MBNL3: variants seen among roughly 807,000 people sequenced by gnomAD.
MBNL3 encodes the protein muscleblind-like protein 3.
A neutral mutation model predicts 24.5 loss-of-function variants in MBNL3; 6 were observed. The ratio of observed to expected loss-of-function variants is 0.25; its 90% confidence interval spans 0.13 to 0.48. MBNL3 has a LOEUF of 0.48. Ranked by LOEUF, MBNL3 falls within the 20% of genes least tolerant of loss-of-function variation. The pLI is 0.99. For missense variants in MBNL3, 230 were observed against 293.5 expected (o/e 0.78, Z 1.58); for synonymous variants, 100 against 101.7 (o/e 0.98, Z 0.10).
At chrX:132,385,283 T>C (rs190080094) in intron 6 of MBNL3, among the ~76,000 whole-genome samples, 1 of 111,270 alleles carries the variant, frequency 9.0e-6, no homozygotes, top group Non-Finnish European at 1.9e-5. Flanking sequence ...TGGCAAAAAA[T>C]TCAAACTTGG....
chrX:132,476,290 C>T (rs1415945661), intron 1 of MBNL3, among the ~76,000 whole-genome samples: 2 of 110,604 alleles, frequency 1.8e-5, no homozygotes, highest in Non-Finnish European at 3.8e-5. Flanking sequence ...TTTTGTTTTC[C>T]TTATGTCCAA....
At chrX:132,394,145 AG>A (rs1462505551) in intron 3 of MBNL3, among the ~76,000 whole-genome samples, 3 of 111,536 alleles carry the variant, frequency 2.7e-5, no homozygotes, top group Non-Finnish European at 3.8e-5. Flanking sequence ...TTAAGTGGAA[AG>A]GGAACGCCAG....
At chrX:132,395,870 A>T (rs1344419752) in intron 3 of MBNL3, among the ~76,000 whole-genome samples, 5 of 110,620 alleles carry the variant, frequency 4.5e-5, no homozygotes, top group Non-Finnish European at 7.6e-5. Flanking sequence ...CACGACACTC[A>T]CCCCTGGTGT....
At chrX:132,449,818 T>G (rs984183412) in intron 1 of MBNL3, among the ~76,000 whole-genome samples, 6 of 111,161 alleles carry the variant, frequency 5.4e-5, no homozygotes, top group Non-Finnish European at 1.1e-4. Flanking sequence ...TTTTAGTGCT[T>G]CCTTCAGGAG....
intron 2 of MBNL3, among the ~76,000 whole-genome samples, chrX:132,436,369 T>C (rs1945117982): frequency 8.9e-6 from 1 of 112,216 alleles, no homozygotes. Context: ...TTGCCCTTCT[T>C]ATTTTCATAA....
At chrX:132,392,089 A>T in intron 4 of MBNL3, 54 bp downstream of exon 4, 2 of 1,003,847 alleles carry the variant, frequency 2.0e-6, no homozygotes, top group Non-Finnish European at 2.7e-6. Context: ...ATACTGCTTT[A>T]TGTGTAAGGT....
At chrX:132,389,966 G>A (rs1428503318) in intron 5 of MBNL3, among the ~76,000 whole-genome samples, 1 of 110,055 alleles carries the variant, frequency 9.1e-6, no homozygotes, top group Non-Finnish European at 1.9e-5. Flanking sequence ...GTTGAGGCAG[G>A]AGGATCACCT....
chrX:132,419,843 A>C (rs1297349622), intron 2 of MBNL3, among the ~76,000 whole-genome samples: 1 of 112,580 alleles, frequency 8.9e-6, no homozygotes, highest in Non-Finnish European at 1.9e-5. Context: ...TTTCAAATAC[A>C]AATTAATATG....
intron 3 of MBNL3, among the ~76,000 whole-genome samples, chrX:132,397,954 G>C (rs1471739094): frequency 9.0e-6 from 1 of 110,913 alleles, no homozygotes; most frequent in Non-Finnish European, 1.9e-5. Flanking sequence ...TTTAAAAACA[G>C]ATGCAAGCTG....
chrX:132,413,734 A>C, intron 2 of MBNL3: 2 of 549,854 alleles, frequency 3.6e-6, no homozygotes, highest in Non-Finnish European at 5.3e-6. Context: ...ATATTTAAAT[A>C]CCCTCGATGT....
At position 132,391,074 on chromosome X, in the gene MBNL3, C is replaced by T. The variant is rs1937092842; in HGVS notation, c.544G>A (p.Glu182Lys). The T allele has an allele frequency of 2.5e-6, 3 of 1,206,170 alleles. No individual in the cohort carries two copies. The highest frequency in any genetic ancestry group is 3.4e-6 in the Non-Finnish European group (3 of 891,335). Reference sequence around the variant, plus strand: ...CGGGTACAATTTCCACGCTGAAATTCTCGGCAAACCTTAGAACACACACAT... The same window carrying T: ...CGGGTACAATTTCCACGCTGAAATTTTCGGCAAACCTTAGAACACACACAT... ...MRSDKLEVCR[E>K]FQRGNCTRGE... is the part of the protein sequence containing the mutation. Residue 182 changes from glutamate (E) to lysine (K), a missense_variant, in exon 5 of 9, where the codon GAA (glutamate) becomes AAA (lysine). Transcript: ENST00000370853.
intron 1 of MBNL3, among the ~76,000 whole-genome samples, chrX:132,444,790 A>G (rs1388891285): frequency 1.8e-5 from 2 of 111,664 alleles, no homozygotes; most frequent in Non-Finnish European, 3.8e-5. Flanking sequence ...GCAACCTTTG[A>G]AAAAAAAGAA....
chrX:132,449,620 G>A (rs1241423453), intron 1 of MBNL3, among the ~76,000 whole-genome samples: 1 of 109,075 alleles, frequency 9.2e-6, no homozygotes, highest in African/African-American at 3.4e-5. Flanking sequence ...GCCAGTCTGT[G>A]TCTTTTGTTT....
intron 1 of MBNL3, among the ~76,000 whole-genome samples, chrX:132,468,678 G>A (rs759923839): frequency 9.4e-4 from 105 of 112,157 alleles, no homozygotes; most frequent in African/African-American, 3.3e-3. Context: ...GACACAGAGA[G>A]GCTAAGTAAC....
chrX:132,422,082 G>A (rs747268068), intron 2 of MBNL3, among the ~76,000 whole-genome samples: 16 of 109,897 alleles, frequency 1.5e-4, no homozygotes, highest in Non-Finnish European at 2.5e-4. Flanking sequence ...TAACCTTATG[G>A]AAGTGAAGAT....
intron 6 of MBNL3, among the ~76,000 whole-genome samples, chrX:132,386,351 G>C (rs1167086913): frequency 8.9e-6 from 1 of 111,835 alleles, no homozygotes; most frequent in Non-Finnish European, 1.9e-5. Flanking sequence ...GTCTGTGACA[G>C]TGATACCTAA....
rs762809506 is a variant in MBNL3, at chrX:132,443,984, T to TCCCCCCCCCC, written c.-703-3671_-703-3670insGGGGGGGGGG. Among the ~76,000 whole-genome samples, 28 of 6,154 alleles carry TCCCCCCCCCC rather than the reference T, an allele frequency of 4.5e-3. 9 individuals are homozygous for TCCCCCCCCCC. Among genetic ancestry groups the TCCCCCCCCCC allele is most frequent in the East Asian group, 0.011 (2 of 187 alleles). 5.3% of individuals were successfully genotyped at this position (6,154 alleles called of 115,157 possible). Reference sequence around the variant, plus strand: ...AAACTCAAGCAGCCTGACTCCAGAGTCCGCCCCCCCCCCCCCCCCCCACCT... The same window carrying TCCCCCCCCCC: ...AAACTCAAGCAGCCTGACTCCAGAGTCCCCCCCCCCCCGCCCCCCCCCCCCCCCCCCACCT... On this transcript the variant is annotated intron_variant, in intron 1 of 8. Coordinates refer to ENST00000370853, the MANE Select transcript of MBNL3 (RefSeq NM_001386889.1).
intron 1 of MBNL3, among the ~76,000 whole-genome samples, chrX:132,453,711 T>G (rs778042849): frequency 1.8e-5 from 2 of 111,844 alleles, no homozygotes; most frequent in South Asian, 7.5e-4. Flanking sequence ...GAACTAAATT[T>G]GAACAATAAA....
intron 2 of MBNL3, among the ~76,000 whole-genome samples, chrX:132,437,705 TC>T (rs1023200966): frequency 1.8e-5 from 2 of 111,283 alleles, no homozygotes; most frequent in African/African-American, 6.5e-5. Context: ...ACCTCATTTT[TC>T]CCCCAACTAA....
Sources: gnomAD v4.1 joint callset for allele counts (sites outside exome capture counted in the v4.1 genomes callset) on GRCh38, gnomAD v4.1.1 for gene constraint, MANE v1.5 for transcripts, NCBI Gene and HGNC (gene_info 2026-07-23, HGNC 2026-07-21) for gene names.